Variants in HEATR4 observed in about 807,000 individuals in gnomAD.
HEATR4 encodes the protein HEAT repeat-containing protein 4.
Under a neutral mutation model 108.8 loss-of-function variants are expected in HEATR4, and 95 were observed. The ratio of observed to expected loss-of-function variants is 0.87; its 90% confidence interval spans 0.74 to 1.04. The LOEUF is 1.04. Among genes scored for constraint, HEATR4 ranks in the 50% least tolerant of loss-of-function variants. HEATR4 has a pLI of 0.00. For synonymous variants in HEATR4, 443 were observed against 459.4 expected (o/e 0.96, Z 0.46); for missense variants, 1,152 against 1,253.8 (o/e 0.92, Z 1.23).
At chr14:73,608,636 G>C in the HEATR4 span, among the ~76,000 whole-genome samples, 6 of 151,958 alleles carry the variant, frequency 3.9e-5, no homozygotes, top group East Asian at 1.9e-4. Flanking sequence ...CCCTCTAAAC[G>C]GTGCCAACTG....
At chr14:73,579,096 A>G in the HEATR4 span, among the ~76,000 whole-genome samples, 4 of 150,370 alleles carry the variant, frequency 2.7e-5, no homozygotes, top group South Asian at 6.3e-4. Flanking sequence ...AAAAAGAAAA[A>G]AAAAAAAAAA....
At chr14:73,512,254 G>C (rs1887315321) in intron 6 of HEATR4, 105 bp from the exon 7 acceptor site, 1 of 1,284,632 alleles carries the variant, frequency 7.8e-7, no homozygotes, top group Non-Finnish European at 1.1e-6. Context: ...AATAATTCAA[G>C]CAAAACATTA....
the HEATR4 span, among the ~76,000 whole-genome samples, chr14:73,628,247 A>AAAAC: frequency 1.3e-5 from 2 of 152,222 alleles, no homozygotes; most frequent in Non-Finnish European, 2.9e-5. Flanking sequence ...TAGGAGTTGT[A>AAAAC]TGTCACAAAA....
At chr14:73,533,724 A>G (rs1239221275) in intron 1 of HEATR4, among the ~76,000 whole-genome samples, 1 of 110,800 alleles carries the variant, frequency 9.0e-6, no homozygotes, top group Admixed American at 1.0e-4. Flanking sequence ...AATGTAATGT[A>G]CTTAATGTCA....
At chr14:73,592,037 G>T in the HEATR4 span, 8 of 1,457,410 alleles carry the variant, frequency 5.5e-6, no homozygotes, top group South Asian at 1.1e-4. Flanking sequence ...TGCGCGGCCT[G>T]GCCCCGGAGC....
At chr14:73,534,861 C>G (rs1220420659) in intron 1 of HEATR4, among the ~76,000 whole-genome samples, 1 of 101,212 alleles carries the variant, frequency 9.9e-6, no homozygotes, top group Non-Finnish European at 2.1e-5. Context: ...AAGCTGGTAT[C>G]GAATTCCTCC....
At chr14:73,602,741 C>A in the HEATR4 span, among the ~76,000 whole-genome samples, 5 of 152,184 alleles carry the variant, frequency 3.3e-5, no homozygotes, top group Admixed American at 6.5e-5. Context: ...ATATTAATAT[C>A]ATTCACTAAA....
intron 14 of HEATR4, 96 bp downstream of exon 14, chr14:73,498,059 T>G: frequency 8.6e-7 from 1 of 1,168,364 alleles, no homozygotes; most frequent in Non-Finnish European, 1.2e-6. Context: ...TTTACTGCCA[T>G]TAGGTAGCCT....
chr14:73,482,517 G>A (rs768590241), intron 17 of HEATR4, among the ~76,000 whole-genome samples: 3 of 150,046 alleles, frequency 2.0e-5, no homozygotes, highest in Non-Finnish European at 3.0e-5. Context: ...GCCAGACTTC[G>A]AGACTCCATC....
At chr14:73,557,867 C>CT (rs10661756) in intron 1 of HEATR4, among the ~76,000 whole-genome samples, 918 of 80,414 alleles carry the variant, frequency 0.011, 119 homozygotes, top group South Asian at 0.041. Context: ...TGTTTTAAAA[C>CT]TTTTTTTTGT....
At position 73,522,658 on chromosome 14, in the gene HEATR4, G is replaced by A. The variant is rs953583456; in HGVS notation, c.495C>T (p.Ile165=). ...TATCTGGATGCATGCAGGGATGATG[G>A]ATGAGAGGGCGGGGTGCTTCCCGGA... ...STVREAPRPL[I]HHPCMHPDML... is the part of the protein sequence containing the mutation. Residue 165 remains isoleucine (I), a synonymous_variant, in exon 3 of 18, where the codon ATC becomes ATT. Transcript: ENST00000553558. 2 of 1,614,122 alleles carry A rather than the reference G, an allele frequency of 1.2e-6. No individual in the cohort carries two copies. Among genetic ancestry groups the A allele is most frequent in the Non-Finnish European group, 1.7e-6 (2 of 1,180,050 alleles).
chr14:73,502,163 G>A (rs1351161621), intron 11 of HEATR4, among the ~76,000 whole-genome samples: 1 of 151,696 alleles, frequency 6.6e-6, no homozygotes, highest in African/African-American at 2.4e-5. Context: ...CAAAGTATTG[G>A]GATTACAGGC....
At chr14:73,490,866 A>T (rs1287943236) in intron 17 of HEATR4, 2 of 731,370 alleles carry the variant, frequency 2.7e-6, no homozygotes, top group Non-Finnish European at 3.8e-6. Flanking sequence ...AGAGAGCGGG[A>T]GGGGCCGAAT....
Position 73,524,310 on chromosome 14 carries a change from A to AAAAAATATATATAT in HEATR4, c.-72-1087_-72-1086insATATATATATTTTT. 1.2e-3 allele frequency among the ~76,000 whole-genome samples: 67 copies of AAAAAATATATATAT among 54,752 alleles called. 1 individual carries two copies. The highest frequency in any genetic ancestry group is 5.7e-3 in the African/African-American group (64 of 11,320). 35.9% of individuals were successfully genotyped at this position (54,752 alleles called of 152,430 possible). On this transcript the variant is annotated intron_variant, in intron 2 of 17. Coordinates refer to ENST00000553558, the MANE Select transcript of HEATR4 (RefSeq NM_001220484.1). ...CTCCGTCTCAAAAAAAAAAAAAAAA[A>AAAAAATATATATAT]ATATATATATATATATATATATATA...
chr14:73,623,737 G>T, the HEATR4 span, among the ~76,000 whole-genome samples: 1 of 151,926 alleles, frequency 6.6e-6, no homozygotes, highest in South Asian at 2.1e-4. Flanking sequence ...GTGGTGTTTG[G>T]GTCATGAGGG....
At chr14:73,569,929 T>G in the HEATR4 span, 12 of 1,568,932 alleles carry the variant, frequency 7.6e-6, no homozygotes, top group African/African-American at 9.5e-5. Context: ...GCCTTTCACT[T>G]TGTGTGTCTC....
the HEATR4 span, among the ~76,000 whole-genome samples, chr14:73,589,352 C>T: frequency 5.9e-5 from 9 of 151,872 alleles, no homozygotes; most frequent in Non-Finnish European, 5.9e-5. Flanking sequence ...GAAAGTTTCG[C>T]TCTGTCACCG....
chr14:73,494,008 C>T (rs1033809279), intron 16 of HEATR4, among the ~76,000 whole-genome samples: 1 of 152,216 alleles, frequency 6.6e-6, no homozygotes, highest in African/African-American at 2.4e-5. Flanking sequence ...TGTTTGCTTA[C>T]ATCCATGGCT....
the HEATR4 span, among the ~76,000 whole-genome samples, chr14:73,580,371 T>C: frequency 6.6e-6 from 1 of 152,072 alleles, no homozygotes; most frequent in African/African-American, 2.4e-5. Flanking sequence ...GTGATCCTCC[T>C]GTAATCAGTA....
Sources: allele counts gnomAD v4.1 joint callset (sites outside exome capture counted in the v4.1 genomes callset), GRCh38; gene constraint gnomAD v4.1.1; transcripts MANE v1.5; gene names NCBI Gene and HGNC (gene_info 2026-07-23, HGNC 2026-07-21).